Variants in RALYL observed in about 807,000 individuals in gnomAD.
RALYL encodes the protein RALY RNA binding protein like, also known as RNA-binding Raly-like protein.
A neutral mutation model predicts 35.1 loss-of-function variants in RALYL; 29 were observed. The observed-to-expected ratio is 0.83, with a 90% CI of 0.61 to 1.13. The LOEUF (loss-of-function observed/expected upper bound fraction) is 1.13, where lower values mean the gene tolerates loss of function less well. Among genes scored for constraint, RALYL ranks in the 50% most tolerant of loss-of-function variants. RALYL has a pLI of 0.00. For synonymous variants in RALYL, 120 were observed against 127.6 expected (o/e 0.94, Z 0.40); for missense variants, 359 against 360.4 (o/e 1.00, Z 0.03).
chr8:84,680,491 C>T (rs765456801), intron 2 of RALYL, among the ~76,000 whole-genome samples: 15 of 152,134 alleles, frequency 9.9e-5, no homozygotes, highest in Non-Finnish European at 2.2e-4. Flanking sequence ...CCTATTTCTC[C>T]ACATCCTCTC....
intron 2 of RALYL, among the ~76,000 whole-genome samples, chr8:84,732,949 G>A (rs900928842): frequency 5.3e-5 from 8 of 151,866 alleles, no homozygotes; most frequent in African/African-American, 1.9e-4. Context: ...ACCCACCTCA[G>A]CCTCCCAAAG....
At chr8:84,482,900 A>G (rs1450552919) in intron 1 of RALYL, among the ~76,000 whole-genome samples, 1 of 152,104 alleles carries the variant, frequency 6.6e-6, no homozygotes, top group Non-Finnish European at 1.5e-5. Context: ...TTAAAGTCCT[A>G]TATAGCCATG....
At chr8:84,608,092 T>G (rs1817547075) in intron 2 of RALYL, among the ~76,000 whole-genome samples, 2 of 152,070 alleles carry the variant, frequency 1.3e-5, no homozygotes, top group Non-Finnish European at 1.5e-5. Flanking sequence ...ATGGACATGC[T>G]TTGAGTAGCA....
At chr8:84,492,746 AAT>A (rs1307907631) in intron 1 of RALYL, among the ~76,000 whole-genome samples, 1 of 147,676 alleles carries the variant, frequency 6.8e-6, no homozygotes, top group Non-Finnish European at 1.5e-5. Context: ...TAAATGAATA[AAT>A]ATATCTTTCA....
At chr8:84,461,872 T>G (rs2050829752) in intron 1 of RALYL, among the ~76,000 whole-genome samples, 1 of 151,584 alleles carries the variant, frequency 6.6e-6, no homozygotes, top group Non-Finnish European at 1.5e-5. Flanking sequence ...AGTGGTACAT[T>G]TGTTGCAATT....
chr8:84,720,627 A>C (rs1843720349), intron 2 of RALYL, among the ~76,000 whole-genome samples: 1 of 152,170 alleles, frequency 6.6e-6, no homozygotes, highest in Admixed American at 6.5e-5. Flanking sequence ...TCGAAAGCAA[A>C]AGTAGAAAAA....
chr8:84,448,924 G>A (rs190155018), intron 1 of RALYL, among the ~76,000 whole-genome samples: 125 of 152,044 alleles, frequency 8.2e-4, no homozygotes, highest in African/African-American at 2.7e-3. Context: ...GCAAAAAACC[G>A]TCAGAATCTG....
intron 2 of RALYL, among the ~76,000 whole-genome samples, chr8:84,586,559 TAA>T (rs1812057714): frequency 6.6e-6 from 1 of 152,212 alleles, no homozygotes; most frequent in Admixed American, 6.5e-5. Flanking sequence ...GGATGTATAA[TAA>T]ACCTACAATT....
intron 2 of RALYL, among the ~76,000 whole-genome samples, chr8:84,571,112 G>A (rs1807873061): frequency 6.6e-6 from 1 of 151,434 alleles, no homozygotes; most frequent in South Asian, 2.1e-4. Context: ...TCTCTTTTTT[G>A]TCTGATTTTG....
rs77814526 is a variant in RALYL at position 84,718,684 on chromosome 8, G to A, written c.257-55895G>A. On this transcript the variant is annotated intron_variant, in intron 2 of 8. Coordinates refer to ENST00000521268, the MANE Select transcript of RALYL (RefSeq NM_173848.7). ...GGAGGCTGAGGCAGGAGAATCACTT[G>A]AGCTCAAGAGGCAGAGGTTGCAGTG... 4.5e-4 allele frequency among the ~76,000 whole-genome samples: 68 copies of A among 151,944 alleles called. 1 individual carries two copies. In the East Asian group the frequency reaches 9.5e-3, roughly 21 times the overall value.
intron 1 of RALYL, among the ~76,000 whole-genome samples, chr8:84,275,344 G>A (rs575699709): frequency 8.5e-5 from 13 of 152,098 alleles, no homozygotes; most frequent in Non-Finnish European, 1.8e-4. Context: ...ACATGAATTT[G>A]CTGCCAATAT....
intron 1 of RALYL, among the ~76,000 whole-genome samples, chr8:84,494,429 A>G (rs1217520744): frequency 1.3e-5 from 2 of 152,166 alleles, no homozygotes; most frequent in East Asian, 3.9e-4. Flanking sequence ...TTTTTTTCTA[A>G]TTCTGTGAAG....
At chr8:84,302,039 A>G (rs1410204127) in intron 1 of RALYL, among the ~76,000 whole-genome samples, 7 of 152,188 alleles carry the variant, frequency 4.6e-5, no homozygotes, top group Non-Finnish European at 7.4e-5. Context: ...CAGAATTATC[A>G]TTTAGCCTTT....
intron 1 of RALYL, among the ~76,000 whole-genome samples, chr8:84,336,528 C>T (rs1462358524): frequency 6.6e-6 from 1 of 152,118 alleles, no homozygotes; most frequent in African/African-American, 2.4e-5. Context: ...CCAGTTTCTA[C>T]ATGCCTTAGG....
intron 2 of RALYL, among the ~76,000 whole-genome samples, chr8:84,709,825 C>A (rs1245817615): frequency 2.6e-5 from 4 of 152,036 alleles, no homozygotes; most frequent in Non-Finnish European, 4.4e-5. Context: ...ATTTGGGAGG[C>A]CAAGGCGGGA....
At chr8:84,377,841 G>T (rs1189325905) in intron 1 of RALYL, among the ~76,000 whole-genome samples, 1 of 151,734 alleles carries the variant, frequency 6.6e-6, no homozygotes, top group East Asian at 1.9e-4. Context: ...TTAGAGTTCT[G>T]CAAAGTTTTC....
chr8:84,484,933 A>G (rs1011917620), intron 1 of RALYL, among the ~76,000 whole-genome samples: 1 of 152,238 alleles, frequency 6.6e-6, no homozygotes, highest in Middle Eastern at 3.4e-3. Context: ...AGCTAGTGTT[A>G]TTGAGTTATT....
intron 1 of RALYL, among the ~76,000 whole-genome samples, chr8:84,334,440 C>G (rs1397555075): frequency 2.0e-5 from 3 of 151,480 alleles, no homozygotes; most frequent in Non-Finnish European, 4.4e-5. Context: ...TTCTTTTATA[C>G]ATAAATGCTT....
chr8:84,309,900 T>C (rs944984199), intron 1 of RALYL, among the ~76,000 whole-genome samples: 5 of 152,120 alleles, frequency 3.3e-5, no homozygotes, highest in African/African-American at 1.2e-4. Flanking sequence ...AATTTCTGTA[T>C]TTTTAGTAGA....
Sources: allele counts gnomAD v4.1 joint callset (sites outside exome capture counted in the v4.1 genomes callset), GRCh38; gene constraint gnomAD v4.1.1; transcripts MANE v1.5; gene names NCBI Gene and HGNC (gene_info 2026-07-23, HGNC 2026-07-21).